C14orf39: variants seen among roughly 807,000 people sequenced by gnomAD.
C14orf39 encodes chromosome 14 open reading frame 39.
A neutral mutation model predicts 85.6 loss-of-function variants in C14orf39; 66 were observed. That is an observed-to-expected ratio of 0.77 (90% CI 0.63 to 0.95). The LOEUF (loss-of-function observed/expected upper bound fraction) is 0.95. Among genes scored for constraint, C14orf39 ranks in the 40% least tolerant of loss-of-function variants. The pLI, the probability that C14orf39 is intolerant of heterozygous loss-of-function variation, is 0.00. For missense variants in C14orf39, 735 were observed against 663.9 expected, an observed-to-expected ratio of 1.11 and a Z score of -1.18; for synonymous variants, 242 against 214.0, an observed-to-expected ratio of 1.13 and a Z score of -1.14.
At chr14:60,471,496 ATTCTT>A in intron 6 of C14orf39, 37 bp from the exon 7 acceptor site, 5 of 1,576,992 alleles carry the variant, frequency 3.2e-6, no homozygotes, top group Non-Finnish European at 4.3e-6. Context: ...TGATTATTAT[ATTCTT>A]TTCATTACAA....
At chr14:60,498,350 T>C (rs1010644621) in intron 2 of C14orf39, among the ~76,000 whole-genome samples, 1 of 152,236 alleles carries the variant, frequency 6.6e-6, no homozygotes, top group African/African-American at 2.4e-5. Flanking sequence ...GAGAGGTCTA[T>C]ACCTTTCCAG....
chr14:60,468,853 T>G (rs1710176960), intron 8 of C14orf39, among the ~76,000 whole-genome samples: 1 of 151,582 alleles, frequency 6.6e-6, no homozygotes, highest in African/African-American at 2.4e-5. Context: ...GGAAATGGCA[T>G]CTACTTTCTT....
chr14:60,511,244 G>T, intron 1 of C14orf39: 1 of 1,613,412 alleles, frequency 6.2e-7, no homozygotes, highest in Non-Finnish European at 8.5e-7. Flanking sequence ...CAGCGAGTGC[G>T]ACATCTGAGT....
chr14:60,462,193 A>G (rs2140092680), intron 11 of C14orf39, among the ~76,000 whole-genome samples: 1 of 150,304 alleles, frequency 6.7e-6, no homozygotes, highest in South Asian at 2.1e-4. Context: ...TGTACAACAT[A>G]GTGAGACCCC....
intron 1 of C14orf39, 49 bp from the exon 2 acceptor site, chr14:60,485,135 A>G (rs143074761): frequency 1.2e-4 from 177 of 1,452,548 alleles, no homozygotes; most frequent in Non-Finnish European, 1.5e-4. Context: ...AGTCGTATGC[A>G]AAACAGGATA....
At chr14:60,483,572 A>T in intron 4 of C14orf39, 119 bp downstream of exon 4, 2 of 836,092 alleles carry the variant, frequency 2.4e-6, no homozygotes, top group South Asian at 4.0e-5. Flanking sequence ...AACAAGGCAC[A>T]TTAAGACTTG....
chr14:60,478,166 G>A (rs560041875), intron 5 of C14orf39, 134 bp downstream of exon 5: 21 of 57,556 alleles, frequency 3.6e-4, no homozygotes, highest in Admixed American at 1.1e-3. Flanking sequence ...GGGACAGAGC[G>A]AGACTCCATC....
intron 5 of C14orf39, among the ~76,000 whole-genome samples, chr14:60,475,272 C>A (rs1005079422): frequency 2.6e-5 from 4 of 152,056 alleles, no homozygotes; most frequent in African/African-American, 9.7e-5. Flanking sequence ...TTTATTGCAT[C>A]TATTTGATTC....
intron 5 of C14orf39, among the ~76,000 whole-genome samples, chr14:60,476,934 T>C (rs909768946): frequency 6.6e-6 from 1 of 152,184 alleles, no homozygotes; most frequent in African/African-American, 2.4e-5. Context: ...TACTAGGAAT[T>C]TGAAAGCTTA....
At chr14:60,461,632 A>C (rs1891540797) in intron 11 of C14orf39, 39 bp from the exon 12 acceptor site, 4 of 1,366,836 alleles carry the variant, frequency 2.9e-6, no homozygotes, top group Non-Finnish European at 4.0e-6. Flanking sequence ...TGGCTACACA[A>C]AGCAATAAAA....
chr14:60,451,000 C>G (rs912238209), intron 16 of C14orf39, among the ~76,000 whole-genome samples: 3 of 152,194 alleles, frequency 2.0e-5, no homozygotes, highest in African/African-American at 4.8e-5. Context: ...ACAGGCACTA[C>G]AAGCCCAGAC....
intron 16 of C14orf39, among the ~76,000 whole-genome samples, chr14:60,446,388 A>T (rs1246337967): frequency 1.3e-5 from 2 of 152,238 alleles, no homozygotes; most frequent in African/African-American, 2.4e-5. Flanking sequence ...TCCCACAGAA[A>T]TACAAAGTAC....
intron 1 of C14orf39, among the ~76,000 whole-genome samples, chr14:60,513,135 T>C (rs973059667): frequency 6.6e-6 from 1 of 152,210 alleles, no homozygotes; most frequent in Non-Finnish European, 1.5e-5. Flanking sequence ...AATGTTGTCC[T>C]TGTGTATGGT....
intron 16 of C14orf39, 97 bp from the exon 17 acceptor site, chr14:60,442,228 C>G (rs1013705981): frequency 4.1e-6 from 3 of 736,114 alleles, no homozygotes; most frequent in Non-Finnish European, 6.8e-6. Flanking sequence ...TTCTAACACA[C>G]AGAATTAAAG....
intron 1 of C14orf39, among the ~76,000 whole-genome samples, chr14:60,507,406 C>T (rs1482906653): frequency 6.6e-6 from 1 of 152,190 alleles, no homozygotes; most frequent in Non-Finnish European, 1.5e-5. Context: ...TCGGAAGTCG[C>T]TCCAAGGGAA....
At chr14:60,458,605 T>G (rs2140080671) in intron 14 of C14orf39, 73 bp downstream of exon 14, 1 of 1,103,902 alleles carries the variant, frequency 9.1e-7, no homozygotes, top group East Asian at 2.5e-5. Context: ...GTACTAAATC[T>G]GAAATTTAAA....
chr14:60,475,137 A>G (rs2140136425), intron 5 of C14orf39, among the ~76,000 whole-genome samples: 1 of 152,190 alleles, frequency 6.6e-6, no homozygotes, highest in Non-Finnish European at 1.5e-5. Context: ...GGGAGAGTGT[A>G]TGTGTCGAGG....
At chr14:60,446,738 C>T (rs1305171636) in intron 16 of C14orf39, among the ~76,000 whole-genome samples, 1 of 152,084 alleles carries the variant, frequency 6.6e-6, no homozygotes, top group Non-Finnish European at 1.5e-5. Flanking sequence ...CTGGCAGAGA[C>T]ACAACAAAAA....
intron 2 of C14orf39, chr14:60,496,142 G>T: frequency 2.0e-6 from 1 of 494,556 alleles, no homozygotes; most frequent in Non-Finnish European, 4.0e-6. Flanking sequence ...ACATGTGGCT[G>T]TCCAAGTTCT....
Sources: allele counts gnomAD v4.1 joint callset (sites outside exome capture counted in the v4.1 genomes callset), GRCh38; gene constraint gnomAD v4.1.1; transcripts MANE v1.5; gene names NCBI Gene and HGNC (gene_info 2026-07-23, HGNC 2026-07-21).